HACL1: variants seen among roughly 807,000 people sequenced by gnomAD.
HACL1 encodes 1600020H07Rik.
In HACL1, 64 loss-of-function variants were observed where a neutral mutation model predicts 74.2. The observed-to-expected ratio is 0.86, with a 90% confidence interval of 0.70 to 1.06. The LOEUF (loss-of-function observed/expected upper bound fraction) is 1.06, where lower values mean the gene tolerates loss of function less well. Ranked by LOEUF, HACL1 falls within the 50% of genes least tolerant of loss-of-function variation. The probability of loss-of-function intolerance (pLI) is 0.00; values close to 1 mark genes in which losing one functional copy is unlikely to be tolerated. For synonymous variants in HACL1, 230 were observed against 238.8 expected (o/e 0.96, Z 0.34); for missense variants, 728 against 719.7 (o/e 1.01, Z -0.13).
chr3:15,577,913 A>G (rs905306433), intron 9 of HACL1, among the ~76,000 whole-genome samples: 11 of 152,008 alleles, frequency 7.2e-5, no homozygotes, highest in Admixed American at 5.2e-4. Flanking sequence ...CCTGGCTAAC[A>G]CAGTGAAACC....
At chr3:15,575,338 A>G (rs995177353) in intron 9 of HACL1, among the ~76,000 whole-genome samples, 1 of 152,180 alleles carries the variant, frequency 6.6e-6, no homozygotes, top group East Asian at 1.9e-4. Context: ...ACTTTTTTAT[A>G]ATTAGAAAAA....
At chr3:15,580,595 C>T (rs1197441120) in intron 8 of HACL1, among the ~76,000 whole-genome samples, 2 of 152,224 alleles carry the variant, frequency 1.3e-5, no homozygotes, top group Non-Finnish European at 2.9e-5. Flanking sequence ...CATCTCACAG[C>T]TCTTGCTACT....
At chr3:15,594,591 G>C (rs898397390) in intron 3 of HACL1, among the ~76,000 whole-genome samples, 1 of 152,128 alleles carries the variant, frequency 6.6e-6, no homozygotes, top group Non-Finnish European at 1.5e-5. Context: ...TAAACTTCTA[G>C]AACAGTACTA....
chr3:15,569,108 T>C (rs1207293624), intron 12 of HACL1, among the ~76,000 whole-genome samples: 10 of 152,010 alleles, frequency 6.6e-5, no homozygotes, highest in Admixed American at 5.9e-4. Flanking sequence ...TTCTAAAGAG[T>C]CCCTGAATGG....
chr3:15,575,102 G>A lies in HACL1; in HGVS notation c.804-20C>T. On this transcript the variant is annotated intron_variant, in intron 9 of 16. Coordinates refer to ENST00000321169, the MANE Select transcript of HACL1 (RefSeq NM_012260.4). ...AAAGCCCTATTAAAAAAATTGATAT[G>A]AAAGTATAACTACATTTCTTATTTG... 1 of 1,168,070 alleles carries A rather than the reference G, an allele frequency of 8.6e-7. No homozygotes were observed. The highest frequency in any genetic ancestry group is 1.3e-5 in the South Asian group (1 of 79,904). The allele number at this position is 1,168,070 out of a possible 1,614,324, so 72.4% of individuals were successfully genotyped here.
intron 2 of HACL1, among the ~76,000 whole-genome samples, chr3:15,599,489 G>T (rs1326232702): frequency 6.7e-6 from 1 of 150,244 alleles, no homozygotes; most frequent in Non-Finnish European, 1.5e-5. Flanking sequence ...AAAACCTTTA[G>T]TCTCCCCCAT....
At chr3:15,565,285 C>T (rs182449434) in intron 14 of HACL1, among the ~76,000 whole-genome samples, 10 of 152,320 alleles carry the variant, frequency 6.6e-5, no homozygotes, top group Admixed American at 5.2e-4. Context: ...AACACCTTCC[C>T]TATTTAATAC....
At chr3:15,579,761 G>T (rs889965830) in intron 9 of HACL1, 149 bp downstream of exon 9, 2 of 598,562 alleles carry the variant, frequency 3.3e-6, no homozygotes, top group African/African-American at 3.8e-5. Flanking sequence ...CATATGAAAT[G>T]AAAGCCAGAA....
At chr3:15,596,705 A>G (rs541759912) in intron 2 of HACL1, among the ~76,000 whole-genome samples, 23 of 152,322 alleles carry the variant, frequency 1.5e-4, no homozygotes, top group Middle Eastern at 3.4e-3. Flanking sequence ...TATTAACAAT[A>G]TTGGTAATTT....
At position 15,573,025 on chromosome 3, in the gene HACL1, T is replaced by G. The variant is rs1275271379; in HGVS notation, c.993+134A>C. 8.6e-6 allele frequency: 5 copies of G among 583,546 alleles called. No individual in the cohort carries two copies. The East Asian group carries it at 1.5e-4, about 17-fold the overall frequency. 36.1% of individuals were successfully genotyped at this position (583,546 alleles called of 1,614,324 possible). On this transcript the variant is annotated intron_variant, in intron 11 of 16. Coordinates refer to ENST00000321169, the MANE Select transcript of HACL1 (RefSeq NM_012260.4). Reference sequence around the variant, plus strand: ...GTTCCAAAGTTGTATTTAAGAATAGTTTTCAATCATACATTTTGTTTAAAA... The same window carrying G: ...GTTCCAAAGTTGTATTTAAGAATAGGTTTCAATCATACATTTTGTTTAAAA...
chr3:15,592,070 ATACG>A (rs770733224), intron 3 of HACL1, among the ~76,000 whole-genome samples: 97 of 6,676 alleles, frequency 0.015, no homozygotes, highest in African/African-American at 0.033. Flanking sequence ...ATATACGTAT[ATACG>A]TATACGTATA....
At chr3:15,601,319 AGACAAC>A in intron 1 of HACL1, 58 bp downstream of exon 1, 1 of 1,607,668 alleles carries the variant, frequency 6.2e-7, no homozygotes, top group Non-Finnish European at 8.5e-7. Flanking sequence ...CTCGTCTCCA[AGACAAC>A]ATCGCGGTCC....
chr3:15,569,775 G>A (rs372222863), intron 12 of HACL1, among the ~76,000 whole-genome samples: 4 of 151,110 alleles, frequency 2.6e-5, no homozygotes, highest in Non-Finnish European at 4.4e-5. Context: ...AGCCAAGCTC[G>A]TGTCATTGCA....
chr3:15,583,560 T>A (rs566647527), intron 7 of HACL1, among the ~76,000 whole-genome samples: 1 of 152,044 alleles, frequency 6.6e-6, no homozygotes, highest in South Asian at 2.1e-4. Flanking sequence ...GATCTCCAGA[T>A]GGCACGTGGC....
rs557019526 is a variant in HACL1 at position 15,588,337 on chromosome 3, T to C, written c.381+1203A>G. Among the ~76,000 whole-genome samples, 28 of 152,344 alleles carry C rather than the reference T, an allele frequency of 1.8e-4. No homozygotes were observed. In the South Asian group the frequency reaches 5.6e-3, roughly 30 times the overall value. ...GGATGGGTGTGGTGGCTCACGCCTGTAATCCCAGTACTTTGGGAGGCCAAG... is the reference window on the plus strand; with the variant it reads ...GGATGGGTGTGGTGGCTCACGCCTGCAATCCCAGTACTTTGGGAGGCCAAG... On this transcript the variant is annotated intron_variant, in intron 5 of 16. Coordinates refer to ENST00000321169, the MANE Select transcript of HACL1 (RefSeq NM_012260.4).
In HACL1 at chr3:15,601,107, TC is replaced by T; in HGVS notation, c.168del (p.Met57Ter). On this transcript the variant is annotated frameshift_variant, in exon 2 of 17. Coordinates refer to ENST00000321169, the MANE Select transcript of HACL1 (RefSeq NM_012260.4). LOFTEE classifies it high-confidence loss of function. ...AAQQLGIKYI[G>X]MRNEQAACYA... is the part of the protein sequence containing the mutation. The stretch of plus-strand genomic sequence containing the variant: ...ATACTCACCGCTTGCTCATTCCTCA[TC>T]CCGATGTACTTGATGCCTAGCTGCT... 6.2e-7 allele frequency: 1 copy of T among 1,612,296 alleles called. No homozygotes were observed. The highest frequency in any genetic ancestry group is 8.5e-7 in the Non-Finnish European group (1 of 1,178,264).
intron 2 of HACL1, 69 bp downstream of exon 2, chr3:15,601,021 G>T: frequency 1.1e-6 from 1 of 912,228 alleles, no homozygotes; most frequent in Non-Finnish European, 1.8e-6. Flanking sequence ...CTGGGTGTTT[G>T]CAATGCATAC....
chr3:15,575,968 C>A (rs1490989065), intron 9 of HACL1, among the ~76,000 whole-genome samples: 3 of 150,408 alleles, frequency 2.0e-5, no homozygotes, highest in Non-Finnish European at 4.4e-5. Context: ...CCACCCTGGC[C>A]AACATAGTGA....
intron 12 of HACL1, among the ~76,000 whole-genome samples, chr3:15,569,424 G>A (rs560666686): frequency 1.9e-4 from 29 of 152,160 alleles, no homozygotes; most frequent in Admixed American, 1.2e-3. Flanking sequence ...GGTAGCTCAC[G>A]CCTGTAATCC....
Sources: gnomAD v4.1 joint callset for allele counts (sites outside exome capture counted in the v4.1 genomes callset) on GRCh38, gnomAD v4.1.1 for gene constraint, MANE v1.5 for transcripts, NCBI Gene and HGNC (gene_info 2026-07-23, HGNC 2026-07-21) for gene names.